ADAMTSL1: variants seen among roughly 807,000 people sequenced by gnomAD.
ADAMTSL1 encodes ADAMTS-like protein 1.
Under a neutral mutation model 201.8 loss-of-function variants are expected in ADAMTSL1, and 126 were observed. The ratio of observed to expected loss-of-function variants is 0.62; its 90% CI spans 0.54 to 0.72. ADAMTSL1 has a LOEUF of 0.72. ADAMTSL1 is among the 30% of genes least tolerant of loss of function. The pLI is 0.00. For synonymous variants in ADAMTSL1, 1,121 were observed against 903.4 expected, an observed-to-expected ratio of 1.24 and a Z score of -4.32; for missense variants, 2,679 against 2,277.8, an observed-to-expected ratio of 1.18 and a Z score of -3.59.
intron 2 of ADAMTSL1, 47 bp from the exon 3 acceptor site, chr9:18,533,200 G>T (rs781270593): frequency 5.3e-5 from 81 of 1,518,458 alleles, no homozygotes; most frequent in Non-Finnish European, 5.7e-5. Flanking sequence ...TTCTGATTTT[G>T]AGCTTTTCAT....
In ADAMTSL1 at chr9:18,328,722, G is replaced by A. The variant is rs146478819; in HGVS notation, c.207+164741G>A. Among the ~76,000 whole-genome samples the A allele has an allele frequency of 5.3e-3, 809 of 152,290 alleles. 9 individuals are homozygous for A. The highest frequency in any genetic ancestry group is 0.019 in the African/African-American group (778 of 41,552). On this transcript the variant is annotated intron_variant, in intron 2 of 29. Coordinates refer to the ADAMTSL1 transcript ENST00000680146. ...ACAGTATCATTGGCTAGATGAACACGTGGATGAGGAATAGTTTGTATAACT... is the reference window on the plus strand; with the variant it reads ...ACAGTATCATTGGCTAGATGAACACATGGATGAGGAATAGTTTGTATAACT...
chr9:18,508,651 C>T (rs1817825796), intron 2 of ADAMTSL1, among the ~76,000 whole-genome samples: 1 of 152,160 alleles, frequency 6.6e-6, no homozygotes, highest in Non-Finnish European at 1.5e-5. Context: ...TTCATGGAGA[C>T]ACCTAGCATT....
intron 1 of ADAMTSL1, among the ~76,000 whole-genome samples, chr9:18,041,268 T>G (rs1365857222): frequency 1.3e-5 from 2 of 152,218 alleles, no homozygotes; most frequent in Non-Finnish European, 2.9e-5. Context: ...CACATTTATT[T>G]TAGTTTTTTT....
At position 18,266,065 on chromosome 9, in the gene ADAMTSL1, A is replaced by G. The variant is rs534066058; in HGVS notation, c.207+102084A>G. Reference sequence around the variant, plus strand: ...TAAGAACTTTTTAAAATTTAAATTTATAAAGACCACTCTGGCTTATAGCAT... The same window carrying G: ...TAAGAACTTTTTAAAATTTAAATTTGTAAAGACCACTCTGGCTTATAGCAT... On this transcript the variant is annotated intron_variant, in intron 2 of 29. Coordinates refer to the ADAMTSL1 transcript ENST00000680146. 2.0e-5 allele frequency among the ~76,000 whole-genome samples: 3 copies of G among 152,354 alleles called. No homozygotes were observed. In the East Asian group the frequency reaches 5.8e-4, roughly 29 times the overall value.
intron 5 of ADAMTSL1, among the ~76,000 whole-genome samples, chr9:18,633,103 G>T: frequency 6.6e-6 from 1 of 152,218 alleles, no homozygotes; most frequent in Non-Finnish European, 1.5e-5. Context: ...GGCTGCATGA[G>T]CTGTGTGTGG....
chr9:18,086,640 A>G (rs1047046582), intron 1 of ADAMTSL1, among the ~76,000 whole-genome samples: 2 of 152,174 alleles, frequency 1.3e-5, no homozygotes, highest in Non-Finnish European at 2.9e-5. Context: ...CACATATTAA[A>G]TACTATCTTC....
intron 2 of ADAMTSL1, among the ~76,000 whole-genome samples, chr9:18,509,684 C>A (rs1253985981): frequency 6.6e-6 from 1 of 152,230 alleles, no homozygotes; most frequent in Non-Finnish European, 1.5e-5. Flanking sequence ...ATTCCCAGTG[C>A]AAAGCCTGTT....
chr9:18,210,131 A>G (rs539252262), intron 2 of ADAMTSL1, among the ~76,000 whole-genome samples: 54 of 152,010 alleles, frequency 3.6e-4, no homozygotes, highest in African/African-American at 1.2e-3. Context: ...CATAATCACA[A>G]CCAGGTAATG....
intron 23 of ADAMTSL1, among the ~76,000 whole-genome samples, chr9:18,852,706 G>A (rs1446915396): frequency 6.6e-6 from 1 of 152,202 alleles, no homozygotes; most frequent in Non-Finnish European, 1.5e-5. Context: ...TTTGAAATCA[G>A]AGTTGCACTA....
intron 15 of ADAMTSL1, among the ~76,000 whole-genome samples, chr9:18,728,007 G>A (rs979869181): frequency 6.6e-6 from 1 of 152,028 alleles, no homozygotes; most frequent in Non-Finnish European, 1.5e-5. Flanking sequence ...TTGAACCCAG[G>A]AGGAGGAAGT....
intron 2 of ADAMTSL1, among the ~76,000 whole-genome samples, chr9:18,247,946 C>G (rs1255567739): frequency 6.6e-6 from 1 of 152,070 alleles, no homozygotes; most frequent in Non-Finnish European, 1.5e-5. Context: ...ATGGCTTGAT[C>G]TGTCAGCCTA....
At chr9:18,349,975 C>T (rs1236576335) in intron 2 of ADAMTSL1, among the ~76,000 whole-genome samples, 1 of 151,440 alleles carries the variant, frequency 6.6e-6, no homozygotes, top group Admixed American at 6.6e-5. Flanking sequence ...GGTTAGACCT[C>T]CAAAGACAAA....
At chr9:18,289,315 A>C (rs1303278777) in intron 2 of ADAMTSL1, among the ~76,000 whole-genome samples, 2 of 152,188 alleles carry the variant, frequency 1.3e-5, no homozygotes, top group Non-Finnish European at 2.9e-5. Flanking sequence ...GTATAGTTCC[A>C]GTCTGAGTTT....
Position 18,771,705 on chromosome 9 carries a change from C to CTTTTTT in ADAMTSL1, c.2397+947_2397+952dup, listed in dbSNP as rs374268861. Among the ~76,000 whole-genome samples the CTTTTTT allele has an allele frequency of 1.5e-4, 14 of 91,758 alleles. 1 individual carries two copies. Among genetic ancestry groups the CTTTTTT allele is most frequent in the South Asian group, 5.4e-4 (1 of 1,862 alleles). The allele number at this position is 91,758 out of a possible 152,430, so 60.2% of individuals were successfully genotyped here. On this transcript the variant is annotated intron_variant, in intron 17 of 28. Coordinates refer to ENST00000380548, the MANE Select transcript of ADAMTSL1 (RefSeq NM_001040272.6). ...GAATTTGCCTTCCTAACCCCAGTGC[C>CTTTTTT]TTTTTTTTTTTTTTTTTTTTTTTTT... is the stretch of plus-strand genomic sequence containing the variant.
intron 1 of ADAMTSL1, among the ~76,000 whole-genome samples, chr9:17,939,841 A>G (rs1827163466): frequency 6.6e-6 from 1 of 152,162 alleles, no homozygotes. Flanking sequence ...ATCTACTATG[A>G]TGAATGTTTT....
chr9:18,904,578 G>A lies in ADAMTSL1; in HGVS notation c.4852-1204G>A, dbSNP rs754288296. ...GAGCCTGGGAGGTGAAGGCTGCAGT[G>A]AGCTGAGATTGTGCCACTGCACTCC... On this transcript the variant is annotated intron_variant, in intron 26 of 28. Transcript: ENST00000380548. Among the ~76,000 whole-genome samples, 38 of 134,916 alleles carry A rather than the reference G, an allele frequency of 2.8e-4. 1 individual carries two copies. The highest frequency in any genetic ancestry group is 6.2e-5 in the Non-Finnish European group (4 of 64,872). The allele number at this position is 134,916 out of a possible 152,430, so 88.5% of individuals were successfully genotyped here.
intron 16 of ADAMTSL1, among the ~76,000 whole-genome samples, chr9:18,753,969 T>C (rs975431997): frequency 6.6e-6 from 1 of 152,222 alleles, no homozygotes; most frequent in African/African-American, 2.4e-5. Flanking sequence ...GCTGAGCCAA[T>C]TCCAAGTATT....
intron 1 of ADAMTSL1, among the ~76,000 whole-genome samples, chr9:18,120,559 TA>T (rs915968168): frequency 6.6e-6 from 1 of 152,154 alleles, no homozygotes; most frequent in Admixed American, 6.6e-5. Flanking sequence ...CAGTCTGAAT[TA>T]AAAATAAAAT....
intron 19 of ADAMTSL1, among the ~76,000 whole-genome samples, chr9:18,778,656 T>C (rs908058031): frequency 8.5e-5 from 13 of 152,252 alleles, no homozygotes; most frequent in African/African-American, 3.1e-4. Flanking sequence ...ATGAAGATGG[T>C]TGTCATTAAT....
Sources: gnomAD v4.1 joint callset for allele counts (sites outside exome capture counted in the v4.1 genomes callset) on GRCh38, gnomAD v4.1.1 for gene constraint, MANE v1.5 for transcripts, NCBI Gene and HGNC (gene_info 2026-07-23, HGNC 2026-07-21) for gene names.